Variants in ANO10 observed in about 807,000 individuals in gnomAD.
ANO10 encodes the protein anoctamin 10.
Under a neutral mutation model 74.7 loss-of-function variants are expected in ANO10, and 77 were observed. That is an observed-to-expected ratio of 1.03 (90% CI 0.86 to 1.25). The LOEUF is 1.25. ANO10 is among the 50% of genes most tolerant of loss of function. The pLI is 0.00. For synonymous variants in ANO10, 279 were observed against 284.9 expected, an observed-to-expected ratio of 0.98 and a Z score of 0.21; for missense variants, 721 against 778.1, an observed-to-expected ratio of 0.93 and a Z score of 0.87.
At chr3:43,635,241 G>A (rs1167228448) in intron 1 of ANO10, among the ~76,000 whole-genome samples, 3 of 152,160 alleles carry the variant, frequency 2.0e-5, no homozygotes, top group Non-Finnish European at 4.4e-5. Flanking sequence ...CTCATAGCCG[G>A]AATCCATCTC....
intron 11 of ANO10, among the ~76,000 whole-genome samples, chr3:43,515,976 T>C (rs115240189): frequency 2.7e-3 from 408 of 152,284 alleles, no homozygotes; most frequent in Middle Eastern, 0.017. Flanking sequence ...CTCTCCTGGT[T>C]CTCAAAACGA....
intron 11 of ANO10, among the ~76,000 whole-genome samples, chr3:43,529,333 T>A (rs1465317702): frequency 3.9e-5 from 6 of 152,240 alleles, no homozygotes; most frequent in African/African-American, 1.4e-4. Context: ...ATGGAACTTA[T>A]GTTCAAGAAC....
At chr3:43,411,902 T>A (rs545136078) in intron 12 of ANO10, among the ~76,000 whole-genome samples, 7 of 151,942 alleles carry the variant, frequency 4.6e-5, no homozygotes, top group African/African-American at 1.7e-4. Context: ...AAAGACTTAG[T>A]TTTTTTCCTC....
Position 43,647,395 on chromosome 3 carries a change from G to A in ANO10, c.-11-41532C>T, listed in dbSNP as rs113710303. On this transcript the variant is annotated intron_variant, in intron 1 of 3. Coordinates refer to the ANO10 transcript ENST00000413397. ...TTGAGAACCTGGGGCTTAGATGTCC[G>A]AGGGCAGAAGATGGCTGTCTCAGCT... 8.7e-3 allele frequency among the ~76,000 whole-genome samples: 1,319 copies of A among 152,072 alleles called. 22 individuals are homozygous for A. Among genetic ancestry groups the A allele is most frequent in the African/African-American group, 0.029 (1,219 of 41,484 alleles).
At chr3:43,595,605 T>A (rs1014036193) in intron 4 of ANO10, among the ~76,000 whole-genome samples, 1 of 152,118 alleles carries the variant, frequency 6.6e-6, no homozygotes, top group South Asian at 2.1e-4. Context: ...ACTGATGGGA[T>A]GTATCTCAAA....
chr3:43,441,049 C>T (rs2093151165), intron 11 of ANO10, among the ~76,000 whole-genome samples: 1 of 151,546 alleles, frequency 6.6e-6, no homozygotes, highest in Non-Finnish European at 1.5e-5. Context: ...AACGACAGTA[C>T]TAAGAGAGAA....
At chr3:43,498,325 G>A (rs572313194) in intron 11 of ANO10, among the ~76,000 whole-genome samples, 1 of 152,266 alleles carries the variant, frequency 6.6e-6, no homozygotes, top group Non-Finnish European at 1.5e-5. Context: ...CAGAAGATGG[G>A]TGGTACTCAG....
chr3:43,414,956 C>CTGTCAT (rs893353309), intron 12 of ANO10, among the ~76,000 whole-genome samples: 3 of 143,090 alleles, frequency 2.1e-5, no homozygotes, highest in African/African-American at 7.7e-5. Context: ...ATGGTTGTTC[C>CTGTCAT]TGTCATTGTG....
At chr3:43,554,343 AGCAGCAT>A (rs2079632578) in intron 10 of ANO10, among the ~76,000 whole-genome samples, 1 of 151,802 alleles carries the variant, frequency 6.6e-6, no homozygotes, top group South Asian at 2.1e-4. Context: ...ACAGGCGCCC[AGCAGCAT>A]GCTGGCTAAT....
chr3:43,648,585 G>A (rs192848731), intron 1 of ANO10, among the ~76,000 whole-genome samples: 7 of 151,692 alleles, frequency 4.6e-5, no homozygotes, highest in African/African-American at 1.7e-4. Flanking sequence ...CTTGTAAACT[G>A]TCATGGTGCT....
intron 10 of ANO10, among the ~76,000 whole-genome samples, chr3:43,552,762 GTATGTATA>G (rs2079544602): frequency 6.9e-6 from 1 of 145,478 alleles, no homozygotes; most frequent in African/African-American, 2.5e-5. Context: ...ATGTATGTAT[GTATGTATA>G]TGTGTGTATT....
chr3:43,471,012 A>G (rs2075835157), intron 11 of ANO10, among the ~76,000 whole-genome samples: 2 of 152,218 alleles, frequency 1.3e-5, no homozygotes, highest in African/African-American at 4.8e-5. Flanking sequence ...TTTATAAATT[A>G]CATTGTAAAT....
chr3:43,366,713 C>A lies in ANO10; in HGVS notation c.*193G>T. Reference sequence around the variant, plus strand: ...AGCAGACAGGGTGGGGCTGGGGGAACTGCCAAGGATCCCGAGCCAAGCCAC... The same window carrying A: ...AGCAGACAGGGTGGGGCTGGGGGAAATGCCAAGGATCCCGAGCCAAGCCAC... On this transcript the variant is annotated 3_prime_UTR_variant, in exon 13 of 13. Coordinates refer to ENST00000292246, the MANE Select transcript of ANO10 (RefSeq NM_018075.5). 4 of 645,426 alleles carry A rather than the reference C, an allele frequency of 6.2e-6. No homozygotes were observed. Among genetic ancestry groups the A allele is most frequent in the Non-Finnish European group, 1.1e-5 (4 of 358,808 alleles). 40.0% of individuals were successfully genotyped at this position (645,426 alleles called of 1,614,324 possible). A position where few individuals can be genotyped will look rare whatever the true frequency, so the allele number is the denominator to read the frequency against.
At chr3:43,622,409 C>T (rs2083439883), upstream of ANO10, among the ~76,000 whole-genome samples, 1 of 152,116 alleles carries the variant, frequency 6.6e-6, no homozygotes, top group African/African-American at 2.4e-5. Flanking sequence ...CAACCGCGAG[C>T]GGTCGGGGCA....
chr3:43,476,179 CT>C lies in ANO10; in HGVS notation c.1798-43453del, dbSNP rs2076058173. Among the ~76,000 whole-genome samples, 5 of 152,092 alleles carry C rather than the reference CT, an allele frequency of 3.3e-5. No homozygotes were observed. The South Asian group carries it at 1.0e-3, about 32-fold the overall frequency. ...ACAGTATTTTTTTCTGTTAGCTTAT[CT>C]ACTTTCCCCCTAAAATTATCATGTA... On this transcript the variant is annotated intron_variant, in intron 11 of 12. Coordinates refer to ENST00000292246, the MANE Select transcript of ANO10 (RefSeq NM_018075.5).
chr3:43,411,673 C>T (rs1440613630), intron 12 of ANO10, among the ~76,000 whole-genome samples: 1 of 152,106 alleles, frequency 6.6e-6, no homozygotes, highest in Non-Finnish European at 1.5e-5. Context: ...ATGGTGCTTA[C>T]AACAATGGAA....
intron 11 of ANO10, chr3:43,485,329 G>A (rs548788112): frequency 1.9e-6 from 1 of 520,090 alleles, no homozygotes; most frequent in Non-Finnish European, 3.5e-6. Context: ...ATCCGACAGG[G>A]TGTCCGCTGT....
At chr3:43,494,320 G>C (rs2076837288) in intron 11 of ANO10, among the ~76,000 whole-genome samples, 1 of 152,154 alleles carries the variant, frequency 6.6e-6, no homozygotes, top group Non-Finnish European at 1.5e-5. Flanking sequence ...GGGCATGGTG[G>C]CAGACGCCTG....
chr3:43,418,960 G>A (rs4682886), intron 12 of ANO10, among the ~76,000 whole-genome samples: 9,109 of 152,302 alleles, frequency 0.06, 357 homozygotes, highest in Admixed American at 0.11. Flanking sequence ...AGAACTATTA[G>A]CTGTGATAGA....
Sources: allele counts gnomAD v4.1 joint callset (sites outside exome capture counted in the v4.1 genomes callset), GRCh38; gene constraint gnomAD v4.1.1; transcripts MANE v1.5; gene names NCBI Gene and HGNC (gene_info 2026-07-23, HGNC 2026-07-21).